The following TMEM225B variants were observed in gnomAD, a reference collection of about 807,000 sequenced individuals.
TMEM225B encodes the protein transmembrane protein 225-like.
A neutral mutation model predicts 16.9 loss-of-function variants in TMEM225B; 10 were observed. That is an observed-to-expected ratio of 0.59 (90% CI 0.36 to 1.00). The LOEUF (loss-of-function observed/expected upper bound fraction) is 1.00, where lower values mean the gene tolerates loss of function less well. TMEM225B is among the 50% of genes least tolerant of loss of function. The pLI, the probability that TMEM225B is intolerant of heterozygous loss-of-function variation, is 0.01. For missense variants in TMEM225B, 217 were observed against 267.0 expected, an observed-to-expected ratio of 0.81 and a Z score of 1.30; for synonymous variants, 92 against 109.8, an observed-to-expected ratio of 0.84 and a Z score of 1.01.
rs1806279112 is a variant in TMEM225B, at chr7:99,610,804, T to G, written c.*239T>G. On this transcript the variant is annotated 3_prime_UTR_variant, in exon 6 of 6. Coordinates refer to ENST00000431679, the MANE Select transcript of TMEM225B (RefSeq NM_001195541.3). ...GTGACGTTTTTGCAGGTATTTTCAA[T>G]AAAAAGAAGGGCTACTTTGTTCATC... 2.5e-6 allele frequency: 1 copy of G among 406,608 alleles called. No individual in the cohort carries two copies. The highest frequency in any genetic ancestry group is 4.5e-6 in the Non-Finnish European group (1 of 224,128). The allele number at this position is 406,608 out of a possible 1,614,324, so 25.2% of individuals were successfully genotyped here.
intron 2 of TMEM225B, among the ~76,000 whole-genome samples, chr7:99,603,089 G>T (rs1478764529): frequency 6.6e-6 from 1 of 152,188 alleles, no homozygotes; most frequent in Non-Finnish European, 1.5e-5. Context: ...AACTCCACGT[G>T]ATAGGGATCC....
At chr7:99,600,892 T>C (rs17161771) in intron 2 of TMEM225B, among the ~76,000 whole-genome samples, 9,279 of 151,708 alleles carry the variant, frequency 0.061, 620 homozygotes, top group East Asian at 0.29. Flanking sequence ...GGGAACTTTA[T>C]GAAGGGAAAA....
At chr7:99,600,155 A>T (rs1805235663) in intron 1 of TMEM225B, 50 bp from the exon 2 acceptor site, 1 of 702,048 alleles carries the variant, frequency 1.4e-6, no homozygotes, top group African/African-American at 1.7e-5. Flanking sequence ...CCGGGCTGTG[A>T]AGACAAAAGC....
At chr7:99,608,482 T>C (rs1256348181) in intron 5 of TMEM225B, among the ~76,000 whole-genome samples, 1 of 151,786 alleles carries the variant, frequency 6.6e-6, no homozygotes, top group African/African-American at 2.4e-5. Flanking sequence ...AACTAAACTC[T>C]TTCAAATTTT....
intron 3 of TMEM225B, among the ~76,000 whole-genome samples, chr7:99,604,955 C>T (rs1805674534): frequency 6.6e-6 from 1 of 151,952 alleles, no homozygotes; most frequent in African/African-American, 2.4e-5. Flanking sequence ...GTGATCATGC[C>T]ACTGCATTCC....
chr7:99,607,836 G>C (rs1358617447), intron 5 of TMEM225B, 26 bp downstream of exon 5: 3 of 1,532,288 alleles, frequency 2.0e-6, no homozygotes, highest in Non-Finnish European at 8.7e-7. Flanking sequence ...ACAGTGCCCT[G>C]CTTCTTGTCC....
Position 99,606,735 on chromosome 7 carries a change from C to T in TMEM225B, c.209-13C>T, listed in dbSNP as rs1805846098. ...GGTTCCCAGCTTCAGCCCCACTTCT[C>T]CCTCCCCTGCAGTTTACATCATCCT... On this transcript the variant is annotated splice_polypyrimidine_tract_variant and intron_variant, in intron 3 of 5. Coordinates refer to ENST00000431679, the MANE Select transcript of TMEM225B (RefSeq NM_001195541.3). 1.3e-6 allele frequency: 2 copies of T among 1,535,508 alleles called. No individual in the cohort carries two copies. The highest frequency in any genetic ancestry group is 1.7e-6 in the Non-Finnish European group (2 of 1,146,626).
intron 3 of TMEM225B, 77 bp from the exon 4 acceptor site, chr7:99,606,671 C>A: frequency 7.0e-7 from 1 of 1,419,504 alleles, no homozygotes; most frequent in Non-Finnish European, 9.5e-7. Context: ...GGGGCCAGCC[C>A]TGCCCAGGCT....
intron 5 of TMEM225B, among the ~76,000 whole-genome samples, chr7:99,608,694 C>T (rs1217244978): frequency 1.4e-5 from 2 of 145,798 alleles, no homozygotes; most frequent in African/African-American, 5.3e-5. Flanking sequence ...CATGTGCCAC[C>T]ATGGCCAGCT....
At chr7:99,601,248 G>A (rs1393008941) in intron 2 of TMEM225B, among the ~76,000 whole-genome samples, 2 of 152,140 alleles carry the variant, frequency 1.3e-5, no homozygotes, top group Non-Finnish European at 2.9e-5. Context: ...CTGAGGTTGG[G>A]GTGACTTGTA....
At chr7:99,607,025 T>C in intron 4 of TMEM225B, 131 bp downstream of exon 4, 1 of 1,009,590 alleles carries the variant, frequency 9.9e-7, no homozygotes, top group Non-Finnish European at 1.4e-6. Flanking sequence ...TCTCACTCTG[T>C]TACCCAGGCT....
chr7:99,606,917 C>G (rs17161772), intron 4 of TMEM225B, 23 bp downstream of exon 4: 71,858 of 1,535,652 alleles, frequency 0.047, 5,173 homozygotes, highest in East Asian at 0.28. Context: ...TAGGTGATCC[C>G]TGACCTTCGC....
intron 2 of TMEM225B, among the ~76,000 whole-genome samples, chr7:99,603,132 T>C (rs1278072320): frequency 6.6e-6 from 1 of 152,180 alleles, no homozygotes; most frequent in Admixed American, 6.5e-5. Context: ...GGAGGCTCTA[T>C]GAAACACCAG....
intron 1 of TMEM225B, among the ~76,000 whole-genome samples, chr7:99,599,102 GGC>G (rs1190510509): frequency 1.3e-5 from 2 of 151,398 alleles, no homozygotes; most frequent in Non-Finnish European, 2.9e-5. Flanking sequence ...TGGGACTACA[GGC>G]GCCCCCACCA....
Position 99,600,232 on chromosome 7 carries a change from C to A in TMEM225B, c.-57C>A, listed in dbSNP as rs983931388. On this transcript the variant is annotated 5_prime_UTR_variant, in exon 2 of 6. Coordinates refer to ENST00000431679, the MANE Select transcript of TMEM225B (RefSeq NM_001195541.3). Reference sequence around the variant, plus strand: ...GTTCCAAGAGCCTCTGAGTTCCTGCCTTTTTTCATCTCTGAATCCCCACCA... The same window carrying A: ...GTTCCAAGAGCCTCTGAGTTCCTGCATTTTTTCATCTCTGAATCCCCACCA... The A allele has an allele frequency of 7.1e-6, 5 of 702,960 alleles. No homozygotes were observed. The highest frequency in any genetic ancestry group is 5.4e-5 in the East Asian group (2 of 37,292). 43.5% of individuals were successfully genotyped at this position (702,960 alleles called of 1,614,324 possible).
intron 2 of TMEM225B, 39 bp downstream of exon 2, chr7:99,600,324 G>T (rs1306381275): frequency 1.4e-6 from 1 of 702,790 alleles, no homozygotes; most frequent in Non-Finnish European, 2.6e-6. Flanking sequence ...GAGTGGCTGG[G>T]AGGGCTGCGT....
At chr7:99,602,569 T>G (rs995787863) in intron 2 of TMEM225B, among the ~76,000 whole-genome samples, 1 of 152,158 alleles carries the variant, frequency 6.6e-6, no homozygotes. Context: ...ATATCCTTCC[T>G]TTTCCAGATG....
chr7:99,605,745 G>C (rs959993544), intron 3 of TMEM225B, among the ~76,000 whole-genome samples: 1 of 152,046 alleles, frequency 6.6e-6, no homozygotes, highest in Non-Finnish European at 1.5e-5. Context: ...GTGCCCCACC[G>C]TGCCCAACTT....
intron 4 of TMEM225B, 23 bp from the exon 5 acceptor site, chr7:99,607,650 G>A (rs1805934853): frequency 6.5e-7 from 1 of 1,530,318 alleles, no homozygotes; most frequent in African/African-American, 1.4e-5. Flanking sequence ...GGAGACCGAG[G>A]GTGTCTCCCT....
Sources: allele counts gnomAD v4.1 joint callset (sites outside exome capture counted in the v4.1 genomes callset), GRCh38; gene constraint gnomAD v4.1.1; transcripts MANE v1.5; gene names NCBI Gene and HGNC (gene_info 2026-07-23, HGNC 2026-07-21).